The following VPS33B variants were observed in gnomAD, a reference collection of about 807,000 sequenced individuals.
The protein encoded by VPS33B is VPS33B late endosome and lysosome associated, also known as vacuolar protein sorting-associated protein 33B.
In VPS33B, 80 loss-of-function variants were observed where a neutral mutation model predicts 95.3. The ratio of observed to expected loss-of-function variants is 0.84; its 90% CI spans 0.70 to 1.01. The LOEUF (loss-of-function observed/expected upper bound fraction) is 1.01. VPS33B is among the 50% of genes least tolerant of loss of function. The pLI, the probability that VPS33B is intolerant of heterozygous loss-of-function variation, is 0.00. For missense variants in VPS33B, 715 were observed against 773.4 expected, an observed-to-expected ratio of 0.92 and a Z score of 0.90; for synonymous variants, 280 against 280.4, an observed-to-expected ratio of 1.00 and a Z score of 0.01.
intron 16 of VPS33B, 96 bp from the exon 17 acceptor site, chr15:91,003,227 G>A: frequency 5.9e-6 from 7 of 1,189,778 alleles, no homozygotes; most frequent in Non-Finnish European, 7.6e-6. Flanking sequence ...CCTTCTTCAG[G>A]AGGAAGGATT....
chr15:91,003,078 G>A lies in VPS33B; in HGVS notation c.1272+7C>T. ...GTTCCCTCAAGAATACATTCTCCAGGCCTTACCTGCAGATACTGTGTTTTC... is the reference window on the plus strand; with the variant it reads ...GTTCCCTCAAGAATACATTCTCCAGACCTTACCTGCAGATACTGTGTTTTC... On this transcript the variant is annotated splice_region_variant and intron_variant, in intron 17 of 22. Coordinates refer to ENST00000333371, the MANE Select transcript of VPS33B (RefSeq NM_018668.5). 1.2e-6 allele frequency: 2 copies of A among 1,614,050 alleles called. No individual in the cohort carries two copies. Among genetic ancestry groups the A allele is most frequent in the Non-Finnish European group, 1.7e-6 (2 of 1,179,974 alleles).
rs1247322910 is a variant in VPS33B at position 91,019,004 on chromosome 15, G to A, written c.97-1119C>T. ...TAATTTTTGTATTTTTAGTAGAGAC[G>A]GTGTTTCACCATCTTGGCCAGGCTG... On this transcript the variant is annotated intron_variant, in intron 1 of 22. Coordinates refer to ENST00000333371, the MANE Select transcript of VPS33B (RefSeq NM_018668.5). 2.6e-5 allele frequency among the ~76,000 whole-genome samples: 4 copies of A among 151,220 alleles called. No individual in the cohort carries two copies. In the South Asian group the frequency reaches 6.3e-4, roughly 24 times the overall value.
chr15:91,006,161 C>G lies in VPS33B; in HGVS notation c.853-102G>C. ...GTACTCAGGTGTTCTGGCAGAAATACAAAGAAAGCTGAGCTGGGATCTGTA... is the reference window on the plus strand; with the variant it reads ...GTACTCAGGTGTTCTGGCAGAAATAGAAAGAAAGCTGAGCTGGGATCTGTA... On this transcript the variant is annotated intron_variant, in intron 11 of 22. Transcript: ENST00000333371. This position sits in a 1 kb window ranked among gnomAD's most constrained non-coding sequence, Gnocchi z 5.4. 1 of 1,420,330 alleles carries G rather than the reference C, an allele frequency of 7.0e-7. No individual in the cohort carries two copies. Among genetic ancestry groups the G allele is most frequent in the Non-Finnish European group, 9.8e-7 (1 of 1,016,498 alleles). 88.0% of individuals were successfully genotyped at this position (1,420,330 alleles called of 1,614,324 possible). A position where few individuals can be genotyped will look rare whatever the true frequency, so the allele number is the denominator to read the frequency against.
rs1395665448 is a variant in VPS33B at position 91,000,399 on chromosome 15, A to G, written c.1581+91T>C. 1 of 1,216,264 alleles carries G rather than the reference A, an allele frequency of 8.2e-7. No individual in the cohort carries two copies. The highest frequency in any genetic ancestry group is 1.5e-5 in the African/African-American group (1 of 65,500). The allele number at this position is 1,216,264 out of a possible 1,614,324, so 75.3% of individuals were successfully genotyped here. On this transcript the variant is annotated intron_variant, in intron 20 of 22. Coordinates refer to ENST00000333371, the MANE Select transcript of VPS33B (RefSeq NM_018668.5). This position sits in a 1 kb window ranked among gnomAD's most constrained non-coding sequence, Gnocchi z 4.9. The stretch of plus-strand genomic sequence containing the variant: ...GTGACAGAGCAAGACTCCATCTCAA[A>G]TAAAAAAAAAAAAACATTGAGACAC...
chr15:90,999,724 C>T lies in VPS33B; in HGVS notation c.1727G>A (p.Cys576Tyr), dbSNP rs754799765. Residue 576 changes from cysteine to tyrosine, a missense_variant, in exon 22 of 23, where the codon TGT becomes TAT. Cys to Tyr is a radical substitution (Grantham distance 194). Transcript: ENST00000333371. The surrounding 1 kb of genome is among the most constrained non-coding windows in gnomAD (Gnocchi z 5.1). ...RLILVVFLGG[C>Y]TFSEISALRF... ...GAGGGCTGAGATCTCAGAGAATGTA[C>T]AACCACCCAAGAACACCACCAAGAT... is the stretch of plus-strand genomic sequence containing the variant. 3 of 1,614,166 alleles carry T rather than the reference C, an allele frequency of 1.9e-6. No individual in the cohort carries two copies. The highest frequency in any genetic ancestry group is 2.7e-5 in the African/African-American group (2 of 75,044).
In VPS33B at chr15:91,009,444, T is replaced by C. The variant is rs538660318; in HGVS notation, c.403+357A>G. Reference sequence around the variant, plus strand: ...GCCTCAGCCTCCCGAGTAGCTGGGATTACAAGCGTGCGCCATCACGCCCAG... The same window carrying C: ...GCCTCAGCCTCCCGAGTAGCTGGGACTACAAGCGTGCGCCATCACGCCCAG... On this transcript the variant is annotated intron_variant, in intron 6 of 22. Coordinates refer to ENST00000333371, the MANE Select transcript of VPS33B (RefSeq NM_018668.5). The surrounding 1 kb of genome is among the most constrained non-coding windows in gnomAD (Gnocchi z 4.1). 2.6e-5 allele frequency among the ~76,000 whole-genome samples: 4 copies of C among 152,054 alleles called. No individual in the cohort carries two copies. Among genetic ancestry groups the C allele is most frequent in the Non-Finnish European group, 5.9e-5 (4 of 67,990 alleles).
chr15:91,017,678 T>C, intron 2 of VPS33B, 127 bp downstream of exon 2: 1 of 902,884 alleles, frequency 1.1e-6, no homozygotes. Flanking sequence ...TCAATCTCCC[T>C]TTTCTACCCA....
Position 91,005,746 on chromosome 15 carries a change from G to A in VPS33B, c.978C>T (p.Phe326=), listed in dbSNP as rs565539191. ...RGMDIKQMKN[F]VSQELKGLKQ... is the part of the protein sequence containing the mutation. ...TCAGGCCCTTGAGCTCCTGGGACAC[G>A]AAATTCTTCATCTGCTTAATGTCCA... Residue 326 remains phenylalanine (F), a synonymous_variant, in exon 13 of 23, where the codon TTC becomes TTT. Coordinates refer to ENST00000333371, the MANE Select transcript of VPS33B (RefSeq NM_018668.5). This position sits in a 1 kb window ranked among gnomAD's most constrained non-coding sequence, Gnocchi z 6.4. The A allele has an allele frequency of 5.0e-6, 8 of 1,614,144 alleles. No homozygotes were observed. Among genetic ancestry groups the A allele is most frequent in the East Asian group, 2.2e-5 (1 of 44,870 alleles).
At chr15:91,004,491 G>A (rs1420264143) in intron 16 of VPS33B, among the ~76,000 whole-genome samples, 3 of 152,110 alleles carry the variant, frequency 2.0e-5, no homozygotes, top group Non-Finnish European at 4.4e-5. Flanking sequence ...GTGACAGAGC[G>A]AGACTCTTGT....
In VPS33B at chr15:91,013,934, A is replaced by G. The variant is rs2040849608; in HGVS notation, c.290-63T>C. 3 of 1,592,656 alleles carry G rather than the reference A, an allele frequency of 1.9e-6. No individual in the cohort carries two copies. In the African/African-American group the frequency reaches 4.0e-5, roughly 21 times the overall value. On this transcript the variant is annotated intron_variant, in intron 4 of 22. Transcript: ENST00000333371. The surrounding 1 kb of genome is among the most constrained non-coding windows in gnomAD (Gnocchi z 4.5). ...CCATCTGTTATGCTAGAAACAGGGAAGCTGCCGGGCACAGTGGTTCACGCC... is the reference window on the plus strand; with the variant it reads ...CCATCTGTTATGCTAGAAACAGGGAGGCTGCCGGGCACAGTGGTTCACGCC...
chr15:91,005,933 CT>C lies in VPS33B; in HGVS notation c.939+39del. The C allele has an allele frequency of 6.2e-7, 1 of 1,612,572 alleles. No individual in the cohort carries two copies. On this transcript the variant is annotated intron_variant, in intron 12 of 22. Coordinates refer to ENST00000333371, the MANE Select transcript of VPS33B (RefSeq NM_018668.5). The surrounding 1 kb of genome is among the most constrained non-coding windows in gnomAD (Gnocchi z 6.4). Reference sequence around the variant, plus strand: ...CAAGGGCAGCAGCCTTGGGAAGCCACTGAGGCAACAAAACAGAGGAGCAGGG... The same window carrying C: ...CAAGGGCAGCAGCCTTGGGAAGCCACGAGGCAACAAAACAGAGGAGCAGGG...
Position 91,005,051 on chromosome 15 carries a change from G to A in VPS33B, c.1170+4C>T, listed in dbSNP as rs201991604. 7.7e-5 allele frequency: 125 copies of A among 1,614,146 alleles called. No homozygotes were observed. The African/African-American group carries it at 1.4e-3, about 19-fold the overall frequency. On this transcript the variant is annotated splice_donor_region_variant and intron_variant, in intron 15 of 22. Transcript: ENST00000333371. The surrounding 1 kb of genome is among the most constrained non-coding windows in gnomAD (Gnocchi z 6.4). ...TTGGCACCCCCAGCCCTCCACCTGC[G>A]CACCTGCCGGTCTATGTGTTCCTCA...
intron 1 of VPS33B, 64 bp from the exon 2 acceptor site, chr15:91,017,949 G>T: frequency 6.7e-7 from 1 of 1,493,996 alleles, no homozygotes; most frequent in Non-Finnish European, 9.3e-7. Context: ...CTGAGAAGTG[G>T]CCCAGCCACC....
intron 1 of VPS33B, among the ~76,000 whole-genome samples, chr15:91,019,125 T>G (rs1340059594): frequency 1.9e-4 from 28 of 144,060 alleles, no homozygotes; most frequent in Non-Finnish European, 3.2e-4. Context: ...TTTTTTTTTT[T>G]TTTTTTTTTT....
intron 5 of VPS33B, among the ~76,000 whole-genome samples, chr15:91,012,921 AAC>A (rs2040819504): frequency 6.6e-6 from 1 of 152,216 alleles, no homozygotes; most frequent in African/African-American, 2.4e-5. Flanking sequence ...GGTGGAGTAA[AAC>A]AGTCTCTAAG....
intron 3 of VPS33B, among the ~76,000 whole-genome samples, chr15:91,016,089 C>T (rs766848808): frequency 2.6e-5 from 4 of 152,134 alleles, no homozygotes; most frequent in Non-Finnish European, 5.9e-5. Flanking sequence ...ACTGGAAGGG[C>T]AACAGAGAGC....
intron 1 of VPS33B, among the ~76,000 whole-genome samples, chr15:91,021,168 T>C (rs930979109): frequency 5.3e-5 from 8 of 152,236 alleles, no homozygotes; most frequent in African/African-American, 1.9e-4. Context: ...TGCTTGACTC[T>C]AAGCTAGGTA....
intron 6 of VPS33B, among the ~76,000 whole-genome samples, chr15:91,008,465 A>G (rs1355760980): frequency 2.0e-5 from 3 of 152,116 alleles, no homozygotes; most frequent in Non-Finnish European, 4.4e-5. Flanking sequence ...GGGTTTTGCC[A>G]TGTTGGCCAG....
chr15:91,007,614 A>G lies in VPS33B; in HGVS notation c.499-41T>C. ...AAGCCACAAAGATATGAATCAACCC[A>G]GTAGGACCACCTGGAAAGTGGCTAG... On this transcript the variant is annotated intron_variant, in intron 7 of 22. Coordinates refer to ENST00000333371, the MANE Select transcript of VPS33B (RefSeq NM_018668.5). The surrounding 1 kb of genome is among the most constrained non-coding windows in gnomAD (Gnocchi z 5.3). The G allele has an allele frequency of 6.2e-7, 1 of 1,603,312 alleles. No homozygotes were observed. The highest frequency in any genetic ancestry group is 1.1e-5 in the South Asian group (1 of 90,858).
Sources: allele counts gnomAD v4.1 joint callset (sites outside exome capture counted in the v4.1 genomes callset), GRCh38; gene constraint gnomAD v4.1.1; non-coding constraint Gnocchi (gnomAD v3.1); transcripts MANE v1.5; gene names NCBI Gene and HGNC (gene_info 2026-07-23, HGNC 2026-07-21).